The following ADAMTS3 variants were observed in gnomAD, a reference collection of about 807,000 sequenced individuals.
ADAMTS3 encodes the protein ADAM metallopeptidase with thrombospondin type 1 motif 3.
A neutral mutation model predicts 129.0 loss-of-function variants in ADAMTS3; 73 were observed. The observed-to-expected ratio is 0.57, with a 90% CI of 0.47 to 0.69. The LOEUF is 0.69. Ranked by LOEUF, ADAMTS3 falls within the 30% of genes least tolerant of loss-of-function variation. The probability of loss-of-function intolerance (pLI) is 0.00; values close to 1 mark genes in which losing one functional copy is unlikely to be tolerated. For synonymous variants in ADAMTS3, 477 were observed against 510.8 expected (o/e 0.93, Z 0.89); for missense variants, 1,457 against 1,514.5 (o/e 0.96, Z 0.63).
At chr4:72,516,118 C>G (rs1395683152) in intron 3 of ADAMTS3, among the ~76,000 whole-genome samples, 2 of 152,028 alleles carry the variant, frequency 1.3e-5, no homozygotes, top group Non-Finnish European at 2.9e-5. Context: ...GCTTGTTTTT[C>G]TCAGGTTTGT....
intron 3 of ADAMTS3, among the ~76,000 whole-genome samples, chr4:72,519,959 C>T (rs572936911): frequency 3.9e-5 from 6 of 152,174 alleles, no homozygotes; most frequent in East Asian, 1.9e-4. Flanking sequence ...TTTTCCCCAT[C>T]TTTGTGGTTT....
chr4:72,296,907 C>T (rs947835277), intron 18 of ADAMTS3, among the ~76,000 whole-genome samples: 11 of 151,924 alleles, frequency 7.2e-5, no homozygotes, highest in African/African-American at 2.2e-4. Context: ...TTTTGTCTTA[C>T]GGCATTTACT....
intron 3 of ADAMTS3, among the ~76,000 whole-genome samples, chr4:72,529,721 A>G (rs1404103676): frequency 2.0e-5 from 2 of 101,460 alleles, no homozygotes; most frequent in Non-Finnish European, 3.9e-5. Context: ...TATAATATAT[A>G]TTAATTAATA....
chr4:72,442,365 T>C (rs566041551), intron 3 of ADAMTS3: 11 of 151,966 alleles, frequency 7.2e-5, no homozygotes, highest in African/African-American at 2.6e-4. Flanking sequence ...AAGCACAGCT[T>C]TGTCATCTGC....
At chr4:72,322,916 A>G (rs770659891) in intron 6 of ADAMTS3, 98 bp downstream of exon 6, 3 of 943,042 alleles carry the variant, frequency 3.2e-6, no homozygotes, top group Non-Finnish European at 5.0e-6. Flanking sequence ...TATATGGAAT[A>G]TATCTATGCC....
At chr4:72,379,970 ATATACATTCTG>A (rs1721241656) in intron 4 of ADAMTS3, among the ~76,000 whole-genome samples, 1 of 152,102 alleles carries the variant, frequency 6.6e-6, no homozygotes, top group Non-Finnish European at 1.5e-5. Flanking sequence ...CTCATTCATC[ATATACATTCTG>A]TATCATTTAG....
At chr4:72,518,815 T>C (rs1165497227) in intron 3 of ADAMTS3, among the ~76,000 whole-genome samples, 1 of 150,646 alleles carries the variant, frequency 6.6e-6, no homozygotes, top group South Asian at 2.1e-4. Context: ...TGTCTTTTAA[T>C]TGGAGCATTT....
chr4:72,414,554 G>A (rs1722257591), intron 4 of ADAMTS3, among the ~76,000 whole-genome samples: 1 of 151,818 alleles, frequency 6.6e-6, no homozygotes, highest in African/African-American at 2.4e-5. Context: ...ATAAGCTAGA[G>A]AACCAATAGT....
Position 72,390,982 on chromosome 4 carries a change from C to G in ADAMTS3, c.661+23833G>C, listed in dbSNP as rs1403991223. Among the ~76,000 whole-genome samples the G allele has an allele frequency of 2.6e-5, 4 of 151,244 alleles. No homozygotes were observed. The East Asian group carries it at 5.8e-4, about 22-fold the overall frequency. The stretch of plus-strand genomic sequence containing the variant: ...AAAATGATTATGAGCTTACTATGAG[C>G]TAACAACCCTAGATAATTGTACTGA... On this transcript the variant is annotated intron_variant, in intron 4 of 21. Coordinates refer to ENST00000286657, the MANE Select transcript of ADAMTS3 (RefSeq NM_014243.3).
chr4:72,348,708 T>C (rs536771198), intron 4 of ADAMTS3, among the ~76,000 whole-genome samples: 3 of 151,764 alleles, frequency 2.0e-5, no homozygotes, highest in Admixed American at 6.6e-5. Context: ...AAGTCAGAAA[T>C]AATGAAGCAG....
intron 3 of ADAMTS3, among the ~76,000 whole-genome samples, chr4:72,540,804 A>C (rs764577171): frequency 2.0e-5 from 3 of 152,228 alleles, no homozygotes; most frequent in Non-Finnish European, 4.4e-5. Context: ...ACAGAAGTCA[A>C]GTACTGACGT....
chr4:72,475,425 T>C (rs1377860211), intron 3 of ADAMTS3, among the ~76,000 whole-genome samples: 1 of 151,920 alleles, frequency 6.6e-6, no homozygotes, highest in East Asian at 1.9e-4. Flanking sequence ...AGAGATATTA[T>C]ATAATTATAA....
intron 3 of ADAMTS3, among the ~76,000 whole-genome samples, chr4:72,489,651 CTTCAT>C (rs1307612491): frequency 1.3e-5 from 2 of 151,936 alleles, no homozygotes; most frequent in East Asian, 3.9e-4. Context: ...ATTCACCTCA[CTTCAT>C]TTCATCACAT....
At chr4:72,512,028 A>C (rs763478391) in intron 3 of ADAMTS3, among the ~76,000 whole-genome samples, 1 of 152,166 alleles carries the variant, frequency 6.6e-6, no homozygotes, top group African/African-American at 2.4e-5. Flanking sequence ...GACAAACATC[A>C]TATGTTCTCA....
chr4:72,376,577 A>G (rs1296387006), intron 4 of ADAMTS3, among the ~76,000 whole-genome samples: 9 of 152,142 alleles, frequency 5.9e-5, no homozygotes, highest in Non-Finnish European at 1.2e-4. Flanking sequence ...TTAGTAAACC[A>G]TAGACTGATT....
At chr4:72,336,185 G>T (rs79187900) in intron 5 of ADAMTS3, among the ~76,000 whole-genome samples, 1 of 152,298 alleles carries the variant, frequency 6.6e-6, no homozygotes, top group East Asian at 1.9e-4. Flanking sequence ...AGGACAGCAT[G>T]ATCTTCTCTC....
In ADAMTS3 at chr4:72,281,892, G is replaced by C. The variant is rs866692758; in HGVS notation, c.*1244C>G. On this transcript the variant is annotated 3_prime_UTR_variant, in exon 22 of 22. Transcript: ENST00000286657. ...GTACTTTACATCTACTCCCTGGAGA[G>C]AGCATTTCTGGCTTTGCTGTGAGCA... is the stretch of plus-strand genomic sequence containing the variant. The C allele has an allele frequency of 1.3e-5, 2 of 152,264 alleles. No homozygotes were observed. The highest frequency in any genetic ancestry group is 4.1e-4 in the South Asian group (2 of 4,822). 9.4% of individuals were successfully genotyped at this position (152,264 alleles called of 1,614,324 possible).
At chr4:72,517,518 G>A (rs1221292573) in intron 3 of ADAMTS3, among the ~76,000 whole-genome samples, 4 of 152,202 alleles carry the variant, frequency 2.6e-5, no homozygotes. Context: ...TTCAGAGCCT[G>A]TTATTGGTCT....
At chr4:72,342,847 A>G (rs1240849973) in intron 4 of ADAMTS3, among the ~76,000 whole-genome samples, 1 of 152,182 alleles carries the variant, frequency 6.6e-6, no homozygotes, top group Non-Finnish European at 1.5e-5. Flanking sequence ...ATCATTTTCC[A>G]ACACCTATTG....
Sources: allele counts gnomAD v4.1 joint callset (sites outside exome capture counted in the v4.1 genomes callset), GRCh38; gene constraint gnomAD v4.1.1; transcripts MANE v1.5; gene names NCBI Gene and HGNC (gene_info 2026-07-23, HGNC 2026-07-21).